The following C1R variants were observed in gnomAD, a reference collection of about 807,000 sequenced individuals.
C1R encodes the protein complement C1r subcomponent.
In C1R, 15 loss-of-function variants were observed where a neutral mutation model predicts 27.6. The observed-to-expected ratio is 0.54, with a 90% confidence interval of 0.36 to 0.84. C1R has a LOEUF of 0.84. Among genes scored for constraint, C1R ranks in the 40% least tolerant of loss-of-function variants. The pLI is 0.01. For synonymous variants in C1R, 253 were observed against 228.8 expected (o/e 1.11, Z -0.95); for missense variants, 544 against 577.9 (o/e 0.94, Z 0.60).
At position 7,080,431 on chromosome 12, in the gene C1R, T is replaced by C. The variant is rs1318735625; in HGVS notation, c.*101A>G. On this transcript the variant is annotated 3_prime_UTR_variant, in exon 11 of 11. Transcript: ENST00000647956. The surrounding 1 kb of genome is among the most constrained non-coding windows in gnomAD (Gnocchi z 4.9). ...ACACACGGTCTTTCTGCATCAGTAA[T>C]TTTAATAGAGACTCTTAGTGGTTAT... 2 of 1,474,702 alleles carry C rather than the reference T, an allele frequency of 1.4e-6. No homozygotes were observed. Among genetic ancestry groups the C allele is most frequent in the Non-Finnish European group, 1.8e-6 (2 of 1,114,294 alleles). The allele number at this position is 1,474,702 out of a possible 1,614,324, so 91.4% of individuals were successfully genotyped here. A position where few individuals can be genotyped will look rare whatever the true frequency, so the allele number is the denominator to read the frequency against.
At chr12:7,085,714 CCT>C (rs1219594618) in intron 9 of C1R, 145 bp downstream of exon 9, 18 of 396,048 alleles carry the variant, frequency 4.5e-5, no homozygotes, top group Non-Finnish European at 8.0e-5. Context: ...CTACTAGGTT[CCT>C]GTTAGCACTA....
chr12:7,081,952 C>T, intron 10 of C1R, 80 bp downstream of exon 10: 4 of 1,223,318 alleles, frequency 3.3e-6, no homozygotes, highest in Non-Finnish European at 4.6e-6. Flanking sequence ...CCTCTCTCTC[C>T]TTTTTCTGGG....
In C1R at chr12:7,088,902, G is replaced by T. The variant is rs774424047; in HGVS notation, c.853C>A (p.Leu285Met). The T allele has an allele frequency of 6.4e-6, 5 of 776,468 alleles. No homozygotes were observed. Among genetic ancestry groups the T allele is most frequent in the Non-Finnish European group, 1.2e-5 (5 of 416,568 alleles). The allele number at this position is 776,468 out of a possible 1,614,324, so 48.1% of individuals were successfully genotyped here. The change falls in exon 6 of 11, where the codon CTG becomes ATG. Residue 285 changes from leucine to methionine, a missense_variant. Around this residue, in one of 2 missense-constraint regions of C1R, gnomAD observed 291 missense variants for 209.0 expected, o/e 1.39. Coordinates refer to ENST00000647956, the MANE Select transcript of C1R (RefSeq NM_001733.7). ...CCCGACTCATCTGTGAAGAACAGCAGATCCACAGCATTGCTGCTGGTGTCG... is the reference window on the plus strand; with the variant it reads ...CCCGACTCATCTGTGAAGAACAGCATATCCACAGCATTGCTGCTGGTGTCG... ...DLDTSSNAVD[L>M]LFFTDESGDS...
chr12:7,086,440 A>G lies in C1R; in HGVS notation c.1056T>C (p.His352=). 1 of 398,736 alleles carries G rather than the reference A, an allele frequency of 2.5e-6. No individual in the cohort carries two copies. Among genetic ancestry groups the G allele is most frequent in the Non-Finnish European group, 4.4e-6 (1 of 226,128 alleles). The allele number at this position is 398,736 out of a possible 1,614,324, so 24.7% of individuals were successfully genotyped here. ...YQLIEGNQVL[H]SFTAVCQDDG... ...CATCCTGGCAGACAGCTGTGAAGGA[A>G]TGCAGCACCTGGTTCCCCTGTTGAG... is the stretch of plus-strand genomic sequence containing the variant. Residue 352 remains histidine (H), a synonymous_variant, in exon 8 of 11, where the codon CAT becomes CAC. Coordinates refer to ENST00000647956, the MANE Select transcript of C1R (RefSeq NM_001733.7).
chr12:7,082,238 G>A (rs1445612156), intron 9 of C1R, 132 bp from the exon 10 acceptor site: 3 of 670,978 alleles, frequency 4.5e-6, no homozygotes, highest in Admixed American at 2.1e-5. Flanking sequence ...AGGGCCAAAG[G>A]TCAAAGGCTC....
At chr12:7,083,507 G>T (rs941296131) in intron 9 of C1R, among the ~76,000 whole-genome samples, 1 of 72,264 alleles carries the variant, frequency 1.4e-5, no homozygotes, top group Non-Finnish European at 3.1e-5. Context: ...GGTGGTGGTG[G>T]TGATATTGGT....
chr12:7,080,633 T>C lies in C1R; in HGVS notation c.2017A>G (p.Ile673Val). The C allele has an allele frequency of 6.2e-7, 1 of 1,613,950 alleles. No homozygotes were observed. Among genetic ancestry groups the C allele is most frequent in the Non-Finnish European group, 8.5e-7 (1 of 1,179,854 alleles). Reference sequence around the variant, plus strand: ...CTGCACCCGATGCCCCAGGACACGATGCCCGTGGCCACCCAGCGATCAGTG... The same window carrying C: ...CTGCACCCGATGCCCCAGGACACGACGCCCGTGGCCACCCAGCGATCAGTG... ...PNTDRWVATG[I>V]VSWGIGCSRG... The change falls in exon 11 of 11, where the codon ATC (isoleucine) becomes GTC (valine). Residue 673 changes from isoleucine to valine, a missense_variant. Ile to Val is a conservative substitution (Grantham distance 29). This residue lies in a region of C1R where 253 missense variants were observed against 368.9 expected (regional missense o/e 0.69). Coordinates refer to ENST00000647956, the MANE Select transcript of C1R (RefSeq NM_001733.7). The surrounding 1 kb of genome is among the most constrained non-coding windows in gnomAD (Gnocchi z 4.9).
At chr12:7,085,371 T>C (rs1384719183) in intron 9 of C1R, among the ~76,000 whole-genome samples, 1 of 151,816 alleles carries the variant, frequency 6.6e-6, no homozygotes, top group Non-Finnish European at 1.5e-5. Context: ...GTGATGATGG[T>C]GTTGGTGGTG....
At chr12:7,092,169 A>G (rs1363765119) in intron 1 of C1R, 9 of 627,836 alleles carry the variant, frequency 1.4e-5, no homozygotes, top group South Asian at 9.3e-5. Context: ...GCCCAGAGGG[A>G]AGAAAGGACC....
At chr12:7,081,579 G>T (rs755728791) in intron 10 of C1R, among the ~76,000 whole-genome samples, 1 of 151,512 alleles carries the variant, frequency 6.6e-6, no homozygotes, top group East Asian at 1.9e-4. Context: ...TGCAACCTCC[G>T]CCTCCTGGGT....
rs1315540448 is a variant in C1R at position 7,080,580 on chromosome 12, C to T, written c.2070G>A (p.Val690=). 6.2e-7 allele frequency: 1 copy of T among 1,603,262 alleles called. No individual in the cohort carries two copies. The highest frequency in any genetic ancestry group is 1.7e-5 in the Admixed American group (1 of 59,578). Residue 690 remains valine, a synonymous_variant, in exon 11 of 11, where the codon GTG becomes GTA. Coordinates refer to ENST00000647956, the MANE Select transcript of C1R (RefSeq NM_001733.7). The surrounding 1 kb of genome is among the most constrained non-coding windows in gnomAD (Gnocchi z 4.9). The stretch of plus-strand genomic sequence containing the variant: ...TCTTGATCCAGTCCACGTAGTTGAG[C>T]ACTTTGGTGTAGAAGCCATAGCCCC... ...CSRGYGFYTK[V]LNYVDWIKKE...
At chr12:7,090,026 G>A (rs1938236742) in intron 3 of C1R, 30 bp downstream of exon 3, 1 of 748,990 alleles carries the variant, frequency 1.3e-6, no homozygotes, top group Non-Finnish European at 2.5e-6. Context: ...GCTGAGGTCA[G>A]AGAAAAGGGA....
In C1R at chr12:7,085,086, A is replaced by T. The variant is rs1468589605; in HGVS notation, c.1273+775T>A. Among the ~76,000 whole-genome samples, 7 of 112,860 alleles carry T rather than the reference A, an allele frequency of 6.2e-5. No homozygotes were observed. The East Asian group carries it at 1.4e-3, about 22-fold the overall frequency. The allele number at this position is 112,860 out of a possible 152,430, so 74.0% of individuals were successfully genotyped here. A position where few individuals can be genotyped will look rare whatever the true frequency, so the allele number is the denominator to read the frequency against. ...GGTAATGATAGTGGTGATGGTGGTGATGGTGGTGTTAGTGTGGTGGTGATG... is the reference window on the plus strand; with the variant it reads ...GGTAATGATAGTGGTGATGGTGGTGTTGGTGGTGTTAGTGTGGTGGTGATG... On this transcript the variant is annotated intron_variant, in intron 9 of 10. Transcript: ENST00000647956.
chr12:7,085,498 G>A (rs1938141742), intron 9 of C1R, among the ~76,000 whole-genome samples: 1 of 151,816 alleles, frequency 6.6e-6, no homozygotes, highest in Non-Finnish European at 1.5e-5. Flanking sequence ...TTGTGGTGAT[G>A]GCGGTGATGG....
At position 7,088,618 on chromosome 12, in the gene C1R, G is replaced by A. The variant is rs764966128; in HGVS notation, c.1030C>T (p.Leu344Phe). The change falls in exon 7 of 11, where the codon CTC becomes TTC. Residue 344 changes from leucine to phenylalanine, a missense_variant. Physicochemically the swap from Leu to Phe is conservative, Grantham distance 22. Coordinates refer to ENST00000647956, the MANE Select transcript of C1R (RefSeq NM_001733.7). ...CAGCCCTGGGCTCTTACCTCTATGA[G>A]CTGGTAGCCTTGCTTGCAGGTAGCA... ...FIATCKQGYQ[L>F]IEGNQVLHSF... 5.5e-6 allele frequency: 4 copies of A among 723,958 alleles called. No individual in the cohort carries two copies. The African/African-American group carries it at 6.9e-5, about 13-fold the overall frequency. The allele number at this position is 723,958 out of a possible 1,614,324, so 44.8% of individuals were successfully genotyped here.
chr12:7,088,439 ACT>A (rs1279844865), intron 7 of C1R, 169 bp downstream of exon 7: 4 of 706,018 alleles, frequency 5.7e-6, no homozygotes, highest in Admixed American at 4.0e-5. Flanking sequence ...AGGATTTTAA[ACT>A]CTCTGTTTTA....
chr12:7,085,320 T>C (rs1440524292), intron 9 of C1R, among the ~76,000 whole-genome samples: 5 of 147,430 alleles, frequency 3.4e-5, no homozygotes, highest in Non-Finnish European at 3.0e-5. Flanking sequence ...ATGGTGGTGT[T>C]AGTGTTGGTG....
intron 9 of C1R, among the ~76,000 whole-genome samples, chr12:7,082,691 A>C (rs1938086567): frequency 6.6e-6 from 1 of 152,118 alleles, no homozygotes; most frequent in Non-Finnish European, 1.5e-5. Flanking sequence ...TAGACATAAA[A>C]ACCAGAAGGA....
rs1565630367 is a variant in C1R at position 7,088,716 on chromosome 12, TG to T, written c.931del (p.Gln311SerfsTer5). The stretch of plus-strand genomic sequence containing the variant: ...GGTGAACTCGTCTAGGGTCTTGGGC[TG>T]GGGGCACTTGATGACTGTTGGGGAG... The part of the protein sequence containing the change: ...RYTTEIIKCP[Q>X]PKTLDEFTII... On this transcript the variant is annotated frameshift_variant, in exon 7 of 11. Coordinates refer to ENST00000647956, the MANE Select transcript of C1R (RefSeq NM_001733.7). LOFTEE classifies it high-confidence loss of function. The T allele has an allele frequency of 1.3e-6, 1 of 777,658 alleles. No homozygotes were observed. The highest frequency in any genetic ancestry group is 1.4e-5 in the South Asian group (1 of 73,682). 48.2% of individuals were successfully genotyped at this position (777,658 alleles called of 1,614,324 possible).
Sources: gnomAD v4.1 joint callset for allele counts (sites outside exome capture counted in the v4.1 genomes callset) on GRCh38, gnomAD v4.1.1 for gene constraint, gnomAD v4.1.1 regional missense constraint, Gnocchi (gnomAD v3.1) non-coding constraint, MANE v1.5 for transcripts, NCBI Gene and HGNC (gene_info 2026-07-23, HGNC 2026-07-21) for gene names.